Variants in FHIT observed in about 807,000 individuals in gnomAD.
The protein encoded by FHIT is fragile histidine triad diadenosine triphosphatase, also known as bis(5'-adenosyl)-triphosphatase.
Under a neutral mutation model 17.9 loss-of-function variants are expected in FHIT, and 19 were observed. That is an observed-to-expected ratio of 1.06 (90% CI 0.74 to 1.56). FHIT has a LOEUF of 1.56. Ranked by LOEUF, FHIT falls within the 40% of genes most tolerant of loss-of-function variation. The pLI is 0.00. For missense variants in FHIT, 248 were observed against 189.2 expected, an observed-to-expected ratio of 1.31 and a Z score of -1.82; for synonymous variants, 81 against 69.7, an observed-to-expected ratio of 1.16 and a Z score of -0.81.
intron 5 of FHIT, among the ~76,000 whole-genome samples, chr3:60,263,067 G>C (rs568009475): frequency 6.6e-6 from 1 of 151,630 alleles, no homozygotes; most frequent in Non-Finnish European, 1.5e-5. Context: ...AAATGACATC[G>C]TACAAAAGAA....
intron 5 of FHIT, among the ~76,000 whole-genome samples, chr3:60,252,315 G>A (rs1207741358): frequency 4.6e-5 from 7 of 151,128 alleles, no homozygotes; most frequent in Admixed American, 2.0e-4. Flanking sequence ...AAACCAAAGC[G>A]GGAAAATTGC....
intron 5 of FHIT, among the ~76,000 whole-genome samples, chr3:60,237,041 C>T (rs1704834153): frequency 6.6e-6 from 1 of 152,050 alleles, no homozygotes; most frequent in African/African-American, 2.4e-5. Context: ...TTTGGATATA[C>T]CAACATTTAT....
chr3:60,509,097 G>A (rs1255000850), intron 5 of FHIT, among the ~76,000 whole-genome samples: 2 of 152,026 alleles, frequency 1.3e-5, no homozygotes. Context: ...GTCCTGGTAG[G>A]CTATCAAATA....
At chr3:59,822,514 A>G (rs980923329) in intron 8 of FHIT, among the ~76,000 whole-genome samples, 1 of 151,942 alleles carries the variant, frequency 6.6e-6, no homozygotes, top group African/African-American at 2.4e-5. Context: ...AGGTAGTATC[A>G]TATTGTGGTT....
intron 4 of FHIT, among the ~76,000 whole-genome samples, chr3:60,596,620 TCTGCA>T (rs1553666600): frequency 8.5e-5 from 13 of 152,248 alleles, no homozygotes; most frequent in African/African-American, 3.1e-4. Flanking sequence ...AGTAAAGGAA[TCTGCA>T]CCCCTGTATT....
At chr3:59,970,370 C>G (rs776840335) in intron 7 of FHIT, among the ~76,000 whole-genome samples, 11 of 152,198 alleles carry the variant, frequency 7.2e-5, no homozygotes, top group Admixed American at 2.0e-4. Flanking sequence ...ATGCTCATCC[C>G]AACAGATGTT....
At chr3:60,045,144 T>C (rs1701599786) in intron 5 of FHIT, among the ~76,000 whole-genome samples, 1 of 152,186 alleles carries the variant, frequency 6.6e-6, no homozygotes, top group South Asian at 2.1e-4. Flanking sequence ...TGTTGCACAG[T>C]AATGTGAGTA....
At chr3:60,192,560 A>ATTGT (rs1376446784) in intron 5 of FHIT, among the ~76,000 whole-genome samples, 1 of 152,182 alleles carries the variant, frequency 6.6e-6, no homozygotes, top group Non-Finnish European at 1.5e-5. Context: ...CAACACAGAG[A>ATTGT]TTGAGTTGAG....
chr3:61,204,604 G>T (rs536130729), intron 1 of FHIT, among the ~76,000 whole-genome samples: 1 of 151,324 alleles, frequency 6.6e-6, no homozygotes, highest in South Asian at 2.1e-4. Flanking sequence ...CAGGAATCAG[G>T]GTAAGTACAT....
chr3:60,009,166 TGTGTG>T lies in FHIT; in HGVS notation c.279+2200_279+2204del, dbSNP rs1559544783. 2.1e-3 allele frequency among the ~76,000 whole-genome samples: 8 copies of T among 3,760 alleles called. No homozygotes were observed. In the East Asian group the frequency reaches 0.034, roughly 16 times the overall value. 2.5% of individuals were successfully genotyped at this position (3,760 alleles called of 152,430 possible). On this transcript the variant is annotated intron_variant, in intron 7 of 9. Transcript: ENST00000492590. ...ACCTTCATTGTTCTCTGGGATTTTA[TGTGTG>T]TGTGTGTGTGTGTGTGTGTGTGTGT...
chr3:60,393,084 C>T (rs1215693602), intron 5 of FHIT, among the ~76,000 whole-genome samples: 1 of 152,016 alleles, frequency 6.6e-6, no homozygotes, highest in African/African-American at 2.4e-5. Context: ...TTTACAGTCC[C>T]GATTTGGCCC....
At position 60,297,420 on chromosome 3, in the gene FHIT, GTATC is replaced by G. The variant is rs1462039788; in HGVS notation, c.103+239436_103+239439del. Among the ~76,000 whole-genome samples, 6 of 151,828 alleles carry G rather than the reference GTATC, an allele frequency of 4.0e-5. No homozygotes were observed. In the East Asian group the frequency reaches 7.7e-4, roughly 20 times the overall value. On this transcript the variant is annotated intron_variant, in intron 5 of 9. Coordinates refer to ENST00000492590, the MANE Select transcript of FHIT (RefSeq NM_002012.4). The stretch of plus-strand genomic sequence containing the variant: ...TAAAAGGTGCTGTATTTTTTATTTG[GTATC>G]TATCTGTTGATTGCTAATATAAATA...
intron 4 of FHIT, among the ~76,000 whole-genome samples, chr3:60,638,910 A>G (rs2039657060): frequency 6.6e-6 from 1 of 151,392 alleles, no homozygotes; most frequent in Non-Finnish European, 1.5e-5. Context: ...TTTCCTTAAA[A>G]CATGACTGGA....
chr3:60,006,388 T>C lies in FHIT; in HGVS notation c.279+4983A>G, dbSNP rs139117991. Among the ~76,000 whole-genome samples the C allele has an allele frequency of 1.6e-3, 245 of 152,226 alleles. 1 individual carries two copies. The highest frequency in any genetic ancestry group is 5.6e-3 in the African/African-American group (234 of 41,548). ...GGGAATTTGGCAGCACCACAAACCA[T>C]CTCAATGCTAGTTACAACCCCTTAA... On this transcript the variant is annotated intron_variant, in intron 7 of 9. Transcript: ENST00000492590.
At chr3:59,808,094 C>T (rs1419792299) in intron 8 of FHIT, among the ~76,000 whole-genome samples, 1 of 136,724 alleles carries the variant, frequency 7.3e-6, no homozygotes, top group Non-Finnish European at 1.5e-5. Context: ...CTTTCCCCTA[C>T]CCCCCCAGTC....
At chr3:60,015,210 C>G (rs1472144087) in intron 5 of FHIT, among the ~76,000 whole-genome samples, 1 of 152,086 alleles carries the variant, frequency 6.6e-6, no homozygotes, top group Non-Finnish European at 1.5e-5. Context: ...GAATATCAAC[C>G]CCATTCCGCT....
At chr3:61,061,395 A>AC (rs1300788146) in intron 2 of FHIT, among the ~76,000 whole-genome samples, 3 of 152,050 alleles carry the variant, frequency 2.0e-5, no homozygotes, top group Non-Finnish European at 4.4e-5. Flanking sequence ...TTCACTTTTT[A>AC]AATATATATA....
At chr3:60,922,870 C>T (rs529135715) in intron 3 of FHIT, among the ~76,000 whole-genome samples, 3 of 152,330 alleles carry the variant, frequency 2.0e-5, no homozygotes, top group African/African-American at 7.2e-5. Flanking sequence ...ACTTTGCATC[C>T]TCTCACAGTC....
At chr3:59,902,822 G>C (rs1347964231) in intron 8 of FHIT, among the ~76,000 whole-genome samples, 2 of 152,108 alleles carry the variant, frequency 1.3e-5, no homozygotes, top group African/African-American at 4.8e-5. Flanking sequence ...TCTGGTCAAG[G>C]GTACAAACTT....
Sources: gnomAD v4.1 joint callset for allele counts (sites outside exome capture counted in the v4.1 genomes callset) on GRCh38, gnomAD v4.1.1 for gene constraint, MANE v1.5 for transcripts, NCBI Gene and HGNC (gene_info 2026-07-23, HGNC 2026-07-21) for gene names.